ADAM33: variants seen among roughly 807,000 people sequenced by gnomAD.
ADAM33 encodes disintegrin and metalloproteinase domain-containing protein 33.
In ADAM33, 103 loss-of-function variants were observed where a neutral mutation model predicts 106.2. The observed-to-expected ratio is 0.97, with a 90% confidence interval of 0.83 to 1.14. The LOEUF (loss-of-function observed/expected upper bound fraction) is 1.14. ADAM33 is among the 50% of genes most tolerant of loss of function. The pLI, the probability that ADAM33 is intolerant of heterozygous loss-of-function variation, is 0.00. For missense variants in ADAM33, 1,120 were observed against 1,096.6 expected (o/e 1.02, Z -0.30); for synonymous variants, 483 against 453.0 (o/e 1.07, Z -0.84).
At chr20:3,678,889 A>G (rs898769569) in intron 2 of ADAM33, among the ~76,000 whole-genome samples, 1 of 152,182 alleles carries the variant, frequency 6.6e-6, no homozygotes, top group Non-Finnish European at 1.5e-5. Context: ...TTATTCTGGA[A>G]GCGTGTGAAG....
chr20:3,669,718 C>A (rs1305378791), intron 19 of ADAM33, 81 bp from the exon 20 acceptor site: 9 of 1,294,084 alleles, frequency 7.0e-6, no homozygotes, highest in Non-Finnish European at 9.8e-6. Flanking sequence ...TGGTGTCCAG[C>A]CCAGGGAGTT....
chr20:3,670,967 C>G, intron 19 of ADAM33, 39 bp downstream of exon 19: 1 of 1,517,082 alleles, frequency 6.6e-7, no homozygotes, highest in Non-Finnish European at 8.8e-7. Context: ...GGAGGGGAAC[C>G]GCAGGAGTAG....
rs759930658 is a variant in ADAM33 at position 3,671,619 on chromosome 20, C to G, written c.1867G>C (p.Gly623Arg). ...CACTGGGTGCCTGGCTCTACCAGGCCCAGGCCAAGCAGGTCCAGCTGGGCA... is the reference window on the plus strand; with the variant it reads ...CACTGGGTGCCTGGCTCTACCAGGCGCAGGCCAAGCAGGTCCAGCTGGGCA... ...PSAQLDLLGL[G>R]LVEPGTQCGP... The change falls in exon 16 of 22, where the codon GGC becomes CGC. Residue 623 changes from glycine (G) to arginine (R), a missense_variant. Coordinates refer to ENST00000356518, the MANE Select transcript of ADAM33 (RefSeq NM_025220.5). 6 of 1,582,568 alleles carry G rather than the reference C, an allele frequency of 3.8e-6. No individual in the cohort carries two copies. The Admixed American group carries it at 1.1e-4, about 29-fold the overall frequency.
chr20:3,681,790 A>G lies in ADAM33; in HGVS notation c.97+118T>C, dbSNP rs551197765. ...CCCCACGCCCTGACCTACTGGCCGT[A>G]TGGTGCCGGGGCCGTGAGACCCTCC... On this transcript the variant is annotated intron_variant, in intron 1 of 21. Transcript: ENST00000356518. 138 of 1,390,856 alleles carry G rather than the reference A, an allele frequency of 9.9e-5. No homozygotes were observed. In the African/African-American group the frequency reaches 1.9e-3, roughly 19 times the overall value. 86.2% of individuals were successfully genotyped at this position (1,390,856 alleles called of 1,614,324 possible).
intron 2 of ADAM33, 142 bp downstream of exon 2, chr20:3,679,350 G>C (rs1040925425): frequency 1.3e-6 from 1 of 776,266 alleles, no homozygotes; most frequent in Non-Finnish European, 2.1e-6. Context: ...CCACTTGAGG[G>C]GCAGGGGAGG....
At chr20:3,677,271 G>T (rs1300184189) in intron 2 of ADAM33, 128 bp from the exon 3 acceptor site, 1 of 695,338 alleles carries the variant, frequency 1.4e-6, no homozygotes, top group Admixed American at 3.2e-5. Context: ...GAGTCAGCAG[G>T]ACCCCCCACA....
Position 3,671,402 on chromosome 20 carries a change from A to C in ADAM33, c.1983+17T>G. Reference sequence around the variant, plus strand: ...GATTAGGAACCCCAAGGTCACCCCCACTCCTCGGGCTCTCACCCCGTGGCT... The same window carrying C: ...GATTAGGAACCCCAAGGTCACCCCCCCTCCTCGGGCTCTCACCCCGTGGCT... On this transcript the variant is annotated intron_variant, in intron 17 of 21. Transcript: ENST00000356518. The C allele has an allele frequency of 6.2e-7, 1 of 1,610,606 alleles. No individual in the cohort carries two copies. Among genetic ancestry groups the C allele is most frequent in the Non-Finnish European group, 8.5e-7 (1 of 1,177,650 alleles).
rs1033626972 is a variant in ADAM33 at position 3,674,811 on chromosome 20, G to T, written c.372C>A (p.Pro124=). Residue 124 remains proline (P), a synonymous_variant, in exon 5 of 22, where the codon CCC becomes CCA. Transcript: ENST00000356518. ...CHYQGRVRGF[P]DSWVVLCTCS... ...AGGTGCAGAGGACTACCCAGGAGTC[G>T]GGGAAGCCCCTTACTCGCCCTTGGT... The T allele has an allele frequency of 1.9e-6, 3 of 1,611,118 alleles. No homozygotes were observed. Among genetic ancestry groups the T allele is most frequent in the East Asian group, 2.2e-5 (1 of 44,862 alleles).
At position 3,672,261 on chromosome 20, in the gene ADAM33, G is replaced by A. The variant is rs1479921586; in HGVS notation, c.1470C>T (p.Gly490=). 1 of 1,613,394 alleles carries A rather than the reference G, an allele frequency of 6.2e-7. No individual in the cohort carries two copies. The highest frequency in any genetic ancestry group is 2.2e-5 in the East Asian group (1 of 44,884). ...GDCDLPEFCT[G]TSSHCPPDVY... is the part of the protein sequence containing the mutation. ...CGTCTGGGGGACAGTGGGAGGAGGTGCCCGTGCAAAACTCAGGGAGGTCAC... is the reference window on the plus strand; with the variant it reads ...CGTCTGGGGGACAGTGGGAGGAGGTACCCGTGCAAAACTCAGGGAGGTCAC... Residue 490 remains glycine (G), a synonymous_variant, in exon 14 of 22, where the codon GGC becomes GGT. Transcript: ENST00000356518.
chr20:3,678,193 T>C (rs1233042644), intron 2 of ADAM33, among the ~76,000 whole-genome samples: 3 of 152,278 alleles, frequency 2.0e-5, no homozygotes, highest in Middle Eastern at 3.2e-3. Context: ...CTGCAGCCCC[T>C]GCTATCTTTA....
intron 19 of ADAM33, 115 bp from the exon 20 acceptor site, chr20:3,669,752 G>A (rs2087408143): frequency 1.1e-6 from 1 of 935,988 alleles, no homozygotes; most frequent in Non-Finnish European, 1.7e-6. Context: ...GTTTCTTGGG[G>A]CACCCATCTG....
chr20:3,676,992 C>A, intron 3 of ADAM33, 75 bp downstream of exon 3: 3 of 1,506,456 alleles, frequency 2.0e-6, no homozygotes, highest in East Asian at 2.4e-5. Context: ...TCCAGCCACC[C>A]GCACAGATCT....
chr20:3,673,964 G>A (rs1429783901), intron 8 of ADAM33, 53 bp from the exon 9 acceptor site: 2 of 1,590,200 alleles, frequency 1.3e-6, no homozygotes, highest in African/African-American at 2.7e-5. Flanking sequence ...CGCGCCGGTG[G>A]TCCTTCGTGG....
chr20:3,671,554 A>G, intron 16 of ADAM33, 27 bp downstream of exon 16: 1 of 1,609,838 alleles, frequency 6.2e-7, no homozygotes, highest in Non-Finnish European at 8.5e-7. Flanking sequence ...TCAAACGGCA[A>G]GGAGGGGTCG....
At chr20:3,669,039 G>T in intron 21 of ADAM33, 39 bp from the exon 22 acceptor site, 1 of 1,612,078 alleles carries the variant, frequency 6.2e-7, no homozygotes, top group Non-Finnish European at 8.5e-7. Flanking sequence ...TAAGGACTGG[G>T]GCCCCAGGCT....
In ADAM33 at chr20:3,671,656, C is replaced by T; in HGVS notation, c.1830G>A (p.Leu610=). Residue 610 remains leucine, a synonymous_variant, in exon 16 of 22, where the codon TTG becomes TTA. Transcript: ENST00000356518. ...DGQEVTCRGA[L]ALPSAQLDLL... is the part of the protein sequence containing the mutation. Reference sequence around the variant, plus strand: ...GGTCCAGCTGGGCACTGGGGAGTGCCAAGGCTCCCCGACAAGTCACTTCCT... The same window carrying T: ...GGTCCAGCTGGGCACTGGGGAGTGCTAAGGCTCCCCGACAAGTCACTTCCT... The T allele has an allele frequency of 6.3e-7, 1 of 1,579,040 alleles. No individual in the cohort carries two copies. Among genetic ancestry groups the T allele is most frequent in the Non-Finnish European group, 8.6e-7 (1 of 1,161,980 alleles).
intron 2 of ADAM33, among the ~76,000 whole-genome samples, chr20:3,677,834 G>A (rs1033827645): frequency 7.9e-5 from 12 of 152,190 alleles, no homozygotes; most frequent in Admixed American, 5.2e-4. Flanking sequence ...CACCCTCTTG[G>A]CGTCTCCCAC....
intron 1 of ADAM33, 138 bp downstream of exon 1, chr20:3,681,770 C>T (rs1186360304): frequency 7.6e-6 from 10 of 1,318,078 alleles, no homozygotes; most frequent in Middle Eastern, 5.4e-4. Context: ...AGAGTCCCCA[C>T]GCCCTGACCT....
Position 3,679,796 on chromosome 20 carries a change from A to G in ADAM33, c.98-225T>C, listed in dbSNP as rs7509610. 6.5e-3 allele frequency among the ~76,000 whole-genome samples: 984 copies of G among 152,284 alleles called. 3 individuals carry two copies. The highest frequency in any genetic ancestry group is 0.011 in the Admixed American group (165 of 15,304). On this transcript the variant is annotated intron_variant, in intron 1 of 21. Transcript: ENST00000356518. The stretch of plus-strand genomic sequence containing the variant: ...GGAGGAGGAAAAGAGAAGGCTGGAA[A>G]GGGACAGCTCAGCTGGGGACACGGG...
Sources: allele counts gnomAD v4.1 joint callset (sites outside exome capture counted in the v4.1 genomes callset), GRCh38; gene constraint gnomAD v4.1.1; transcripts MANE v1.5; gene names NCBI Gene and HGNC (gene_info 2026-07-23, HGNC 2026-07-21).